Variants in KCNJ3 observed in about 807,000 individuals in gnomAD.
The protein encoded by KCNJ3 is potassium inwardly rectifying channel subfamily J member 3.
A neutral mutation model predicts 39.2 loss-of-function variants in KCNJ3; 4 were observed. That is an observed-to-expected ratio of 0.10 (90% CI 0.05 to 0.23). The LOEUF (loss-of-function observed/expected upper bound fraction) is 0.23, where lower values mean the gene tolerates loss of function less well. Among genes scored for constraint, KCNJ3 ranks in the 10% least tolerant of loss-of-function variants. The pLI is 1.00. For synonymous variants in KCNJ3, 230 were observed against 237.4 expected, an observed-to-expected ratio of 0.97 and a Z score of 0.29; for missense variants, 276 against 634.9, an observed-to-expected ratio of 0.43 and a Z score of 6.08.
intron 2 of KCNJ3, among the ~76,000 whole-genome samples, chr2:154,765,063 A>G (rs1368287692): frequency 6.6e-6 from 1 of 152,130 alleles, no homozygotes; most frequent in African/African-American, 2.4e-5. Flanking sequence ...GTCGGGGGGA[A>G]AGGGCATGAG....
rs1362947287 is a variant in KCNJ3, at chr2:154,790,544, G to A, written c.920-64183G>A. Among the ~76,000 whole-genome samples, 7 of 152,040 alleles carry A rather than the reference G, an allele frequency of 4.6e-5. No individual in the cohort carries two copies. The South Asian group carries it at 8.3e-4, about 18-fold the overall frequency. ...GATAGATACACTAATGCTTAGCTAC[G>A]TTGCATGTCTCTCATTTCTCACTGT... On this transcript the variant is annotated intron_variant, in intron 2 of 2. Coordinates refer to ENST00000295101, the MANE Select transcript of KCNJ3 (RefSeq NM_002239.4).
chr2:154,720,476 G>A (rs1316417728), intron 2 of KCNJ3, among the ~76,000 whole-genome samples: 2 of 151,904 alleles, frequency 1.3e-5, no homozygotes, highest in Non-Finnish European at 2.9e-5. Flanking sequence ...TTTTCCATAT[G>A]ACTCTAAATT....
At chr2:154,816,218 CAGTA>C (rs1315900514) in intron 2 of KCNJ3, among the ~76,000 whole-genome samples, 1 of 152,094 alleles carries the variant, frequency 6.6e-6, no homozygotes, top group Non-Finnish European at 1.5e-5. Flanking sequence ...AAAGTAGCTG[CAGTA>C]AGTGAGTTAA....
chr2:154,823,619 T>TC (rs1007944230), intron 2 of KCNJ3, among the ~76,000 whole-genome samples: 12 of 152,298 alleles, frequency 7.9e-5, no homozygotes, highest in African/African-American at 2.9e-4. Context: ...TCCTTGTTTT[T>TC]TATTCCCCTT....
chr2:154,810,223 C>A (rs890572953), intron 2 of KCNJ3, among the ~76,000 whole-genome samples: 2 of 152,090 alleles, frequency 1.3e-5, no homozygotes, highest in Non-Finnish European at 2.9e-5. Context: ...GCTGGGACTA[C>A]AACTGTGTGC....
intron 1 of KCNJ3, among the ~76,000 whole-genome samples, chr2:154,705,748 G>A (rs897003533): frequency 5.9e-5 from 9 of 151,996 alleles, no homozygotes; most frequent in East Asian, 1.9e-4. Context: ...TAATGTTCAC[G>A]TTATAATTTT....
At chr2:154,760,364 T>G (rs1686016121) in intron 2 of KCNJ3, among the ~76,000 whole-genome samples, 1 of 152,338 alleles carries the variant, frequency 6.6e-6, no homozygotes, top group East Asian at 1.9e-4. Flanking sequence ...GTGTTATGAC[T>G]GTTTTCTCTA....
chr2:154,812,799 C>T (rs1406602085), intron 2 of KCNJ3, among the ~76,000 whole-genome samples: 1 of 151,976 alleles, frequency 6.6e-6, no homozygotes, highest in African/African-American at 2.4e-5. Flanking sequence ...AACAGTTTAT[C>T]TATAATTTGC....
intron 1 of KCNJ3, among the ~76,000 whole-genome samples, chr2:154,707,092 A>C (rs1685023042): frequency 6.6e-6 from 1 of 152,166 alleles, no homozygotes; most frequent in South Asian, 2.1e-4. Flanking sequence ...GAAAGGTTAA[A>C]TTATATAGTA....
At chr2:154,707,424 T>G (rs563249962) in intron 1 of KCNJ3, among the ~76,000 whole-genome samples, 1 of 152,226 alleles carries the variant, frequency 6.6e-6, no homozygotes, top group East Asian at 1.9e-4. Flanking sequence ...CAAGTTGTCA[T>G]CCTCCTGATA....
intron 2 of KCNJ3, among the ~76,000 whole-genome samples, chr2:154,718,642 CA>C: frequency 6.6e-6 from 1 of 152,208 alleles, no homozygotes; most frequent in African/African-American, 2.4e-5. Flanking sequence ...TGTATTCCAC[CA>C]TTTCCTTACT....
intron 2 of KCNJ3, among the ~76,000 whole-genome samples, chr2:154,840,252 A>G (rs1325803454): frequency 2.0e-5 from 3 of 151,966 alleles, no homozygotes; most frequent in Admixed American, 6.6e-5. Flanking sequence ...ATGGTTGTAG[A>G]TGTGTGGTGT....
At chr2:154,806,857 G>T (rs6755643) in intron 2 of KCNJ3, among the ~76,000 whole-genome samples, 1 of 152,060 alleles carries the variant, frequency 6.6e-6, no homozygotes, top group African/African-American at 2.4e-5. Context: ...TTTAAGTCTC[G>T]CACTGACCTT....
chr2:154,798,657 C>T (rs901869264), intron 2 of KCNJ3, among the ~76,000 whole-genome samples: 13 of 152,230 alleles, frequency 8.5e-5, no homozygotes, highest in Middle Eastern at 3.4e-3. Flanking sequence ...CCATGTTAGT[C>T]CCTGCAACTT....
At chr2:154,805,085 C>T (rs960940238) in intron 2 of KCNJ3, among the ~76,000 whole-genome samples, 1 of 151,976 alleles carries the variant, frequency 6.6e-6, no homozygotes, top group Non-Finnish European at 1.5e-5. Context: ...AAGAAGTGAA[C>T]TTAGCAATTG....
At chr2:154,705,170 T>C (rs1684980916) in intron 1 of KCNJ3, among the ~76,000 whole-genome samples, 1 of 152,162 alleles carries the variant, frequency 6.6e-6, no homozygotes, top group South Asian at 2.1e-4. Context: ...CGTAGTTACA[T>C]ATTAGAGAGA....
chr2:154,837,770 T>A (rs1687495319), intron 2 of KCNJ3, among the ~76,000 whole-genome samples: 2 of 152,222 alleles, frequency 1.3e-5, no homozygotes, highest in Non-Finnish European at 2.9e-5. Flanking sequence ...ATAGGAATTA[T>A]ATGTTGACTG....
At chr2:154,763,503 C>G (rs1185259748) in intron 2 of KCNJ3, among the ~76,000 whole-genome samples, 1 of 151,684 alleles carries the variant, frequency 6.6e-6, no homozygotes, top group Non-Finnish European at 1.5e-5. Context: ...ACCATCTATT[C>G]CGGGGACACA....
chr2:154,808,018 T>A (rs1686942565), intron 2 of KCNJ3, among the ~76,000 whole-genome samples: 1 of 151,982 alleles, frequency 6.6e-6, no homozygotes, highest in Non-Finnish European at 1.5e-5. Flanking sequence ...TCCTCAATTA[T>A]AATCTACCTG....
Sources: allele counts gnomAD v4.1 joint callset (sites outside exome capture counted in the v4.1 genomes callset), GRCh38; gene constraint gnomAD v4.1.1; transcripts MANE v1.5; gene names NCBI Gene and HGNC (gene_info 2026-07-23, HGNC 2026-07-21).